Variants in RNF175 observed in about 807,000 individuals in gnomAD.
The protein encoded by RNF175 is ring finger protein 175.
RNF175 carries 38 observed loss-of-function variants against 50.0 expected under a neutral mutation model. That is an observed-to-expected ratio of 0.76 (90% confidence interval 0.59 to 1.00). The LOEUF (loss-of-function observed/expected upper bound fraction) is 1.00. Ranked by LOEUF, RNF175 falls within the 50% of genes least tolerant of loss-of-function variation. The pLI is 0.00. For missense variants in RNF175, 388 were observed against 409.6 expected (o/e 0.95, Z 0.46); for synonymous variants, 155 against 146.1 (o/e 1.06, Z -0.44).
chr4:153,753,298 T>G (rs553805790), intron 1 of RNF175, among the ~76,000 whole-genome samples: 25 of 152,122 alleles, frequency 1.6e-4, no homozygotes, highest in African/African-American at 3.9e-4. Flanking sequence ...AAAGTCAGTT[T>G]AAGGTTTGGT....
intron 3 of RNF175, among the ~76,000 whole-genome samples, chr4:153,744,753 T>C (rs548302650): frequency 2.6e-5 from 4 of 152,326 alleles, no homozygotes; most frequent in African/African-American, 9.6e-5. Context: ...TTTTCTTTGA[T>C]ATGAGTGAAG....
At chr4:153,710,594 T>G (rs1443437761) in intron 8 of RNF175, 105 bp from the exon 9 acceptor site, 31 of 1,101,426 alleles carry the variant, frequency 2.8e-5, no homozygotes, top group Non-Finnish European at 3.8e-5. Flanking sequence ...GGGTATTTCC[T>G]TTCTTGTTAA....
At chr4:153,746,424 A>G (rs556145842) in intron 3 of RNF175, among the ~76,000 whole-genome samples, 1 of 152,280 alleles carries the variant, frequency 6.6e-6, no homozygotes, top group East Asian at 1.9e-4. Flanking sequence ...ACAGGTTAGA[A>G]TCTCATGTCC....
chr4:153,748,588 AAC>A, intron 3 of RNF175, 55 bp downstream of exon 3: 1 of 1,460,972 alleles, frequency 6.8e-7, no homozygotes. Flanking sequence ...CCTGGAAAAA[AAC>A]AGTCAAGCTG....
chr4:153,759,475 C>T (rs1215161624), intron 1 of RNF175, among the ~76,000 whole-genome samples: 1 of 151,750 alleles, frequency 6.6e-6, no homozygotes, highest in Non-Finnish European at 1.5e-5. Flanking sequence ...CAAAGGAGGG[C>T]GGGAGTGGAA....
At chr4:153,745,363 G>C (rs1739913431) in intron 3 of RNF175, among the ~76,000 whole-genome samples, 1 of 152,160 alleles carries the variant, frequency 6.6e-6, no homozygotes, top group Admixed American at 6.5e-5. Flanking sequence ...TAACCATTGA[G>C]AAATACTACT....
chr4:153,734,866 C>T (rs544649651), intron 3 of RNF175, among the ~76,000 whole-genome samples: 13 of 151,594 alleles, frequency 8.6e-5, no homozygotes, highest in African/African-American at 1.9e-4. Flanking sequence ...TTAGTAGAGA[C>T]GGGGTTTCAT....
At chr4:153,723,237 CAT>C in intron 5 of RNF175, 112 bp downstream of exon 5, 1 of 591,872 alleles carries the variant, frequency 1.7e-6, no homozygotes. Context: ...TACTATAAAA[CAT>C]GTGTGCATGG....
At chr4:153,719,617 AG>A (rs1386522039) in intron 6 of RNF175, among the ~76,000 whole-genome samples, 1 of 152,258 alleles carries the variant, frequency 6.6e-6, no homozygotes, top group Non-Finnish European at 1.5e-5. Context: ...AAAAAAGAAA[AG>A]AAAAACAACT....
At chr4:153,731,665 A>AAGAGAG (rs200079370) in intron 3 of RNF175, among the ~76,000 whole-genome samples, 1 of 148,764 alleles carries the variant, frequency 6.7e-6, no homozygotes, top group Admixed American at 6.7e-5. Flanking sequence ...AAGAGAAAGA[A>AAGAGAG]AGAGAGAGAG....
At chr4:153,730,476 T>C (rs1738974255) in intron 3 of RNF175, among the ~76,000 whole-genome samples, 1 of 152,140 alleles carries the variant, frequency 6.6e-6, no homozygotes, top group South Asian at 2.1e-4. Context: ...TATCAGCATA[T>C]TGGTCATTTA....
At chr4:153,739,266 CA>C (rs1409379017) in intron 3 of RNF175, among the ~76,000 whole-genome samples, 11 of 151,968 alleles carry the variant, frequency 7.2e-5, no homozygotes, top group Non-Finnish European at 1.6e-4. Context: ...ACTAAAAATA[CA>C]AAAATTAGCT....
chr4:153,710,280 G>T lies in RNF175; in HGVS notation c.*89C>A. 9.6e-7 allele frequency: 1 copy of T among 1,038,106 alleles called. No individual in the cohort carries two copies. Among genetic ancestry groups the T allele is most frequent in the South Asian group, 2.2e-5 (1 of 45,916 alleles). 64.3% of individuals were successfully genotyped at this position (1,038,106 alleles called of 1,614,324 possible). ...AGTTTACTTAGTTTTCTAAACACTT[G>T]GGATCATCTCTAAAATTAAAAAAAT... On this transcript the variant is annotated 3_prime_UTR_variant, in exon 9 of 9. Transcript: ENST00000347063.
At chr4:153,747,014 G>A (rs1279599948) in intron 3 of RNF175, among the ~76,000 whole-genome samples, 1 of 152,208 alleles carries the variant, frequency 6.6e-6, no homozygotes, top group Non-Finnish European at 1.5e-5. Flanking sequence ...AGAGTCCTGA[G>A]GTGGCCCTGC....
intron 3 of RNF175, among the ~76,000 whole-genome samples, chr4:153,734,665 CTTTTTTTTTTTTTT>C (rs56211482): frequency 5.5e-5 from 4 of 73,178 alleles, no homozygotes; most frequent in African/African-American, 3.3e-4. Flanking sequence ...TTTTTTTATT[CTTTTTTTTTTTTTT>C]TTTTTTTTTT....
chr4:153,740,900 T>G (rs1301837253), intron 3 of RNF175, among the ~76,000 whole-genome samples: 1 of 152,244 alleles, frequency 6.6e-6, no homozygotes, highest in Admixed American at 6.5e-5. Flanking sequence ...GTTTAATGTT[T>G]GCTGTAGTTG....
At chr4:153,749,172 GA>G (rs1477707749) in intron 2 of RNF175, among the ~76,000 whole-genome samples, 1 of 152,222 alleles carries the variant, frequency 6.6e-6, no homozygotes, top group Non-Finnish European at 1.5e-5. Context: ...CAACCTTGGG[GA>G]AGTCATTTAT....
intron 3 of RNF175, chr4:153,729,744 C>T: frequency 1.0e-6 from 1 of 985,012 alleles, no homozygotes; most frequent in Non-Finnish European, 1.2e-6. Context: ...AATCTTCTTT[C>T]AGAGAACCCT....
rs561299972 is a variant in RNF175 at position 153,712,542 on chromosome 4, C to G, written c.799G>C (p.Val267Leu). The change falls in exon 8 of 9, where the codon GTT (valine) becomes CTT (leucine). Residue 267 changes from valine (V) to leucine (L), a missense_variant. By Grantham distance (32) the Val-to-Leu change is conservative. Coordinates refer to ENST00000347063, the MANE Select transcript of RNF175 (RefSeq NM_173662.4). Reference sequence around the variant, plus strand: ...TAAGGGCAAGTCTGCTTTTTCCCAACGATACACCAACCTCGGATGCAGAAT... The same window carrying G: ...TAAGGGCAAGTCTGCTTTTTCCCAAGGATACACCAACCTCGGATGCAGAAT... ...HEFCIRGWCI[V>L]GKKQTCPYCK... 9.3e-6 allele frequency: 15 copies of G among 1,613,068 alleles called. No homozygotes were observed. Among genetic ancestry groups the G allele is most frequent in the Non-Finnish European group, 1.2e-5 (14 of 1,179,386 alleles).
Sources: allele counts gnomAD v4.1 joint callset (sites outside exome capture counted in the v4.1 genomes callset), GRCh38; gene constraint gnomAD v4.1.1; transcripts MANE v1.5; gene names NCBI Gene and HGNC (gene_info 2026-07-23, HGNC 2026-07-21).